MCMDC2: variants seen among roughly 807,000 people sequenced by gnomAD.
MCMDC2 encodes the protein minichromosome maintenance domain containing 2, also known as minichromosome maintenance domain-containing protein 2.
Under a neutral mutation model 75.8 loss-of-function variants are expected in MCMDC2, and 54 were observed. The ratio of observed to expected loss-of-function variants is 0.71; its 90% CI spans 0.57 to 0.89. The LOEUF (loss-of-function observed/expected upper bound fraction) is 0.89, where lower values mean the gene tolerates loss of function less well. Ranked by LOEUF, MCMDC2 falls within the 40% of genes least tolerant of loss-of-function variation. MCMDC2 has a pLI of 0.00. For synonymous variants in MCMDC2, 249 were observed against 274.6 expected (o/e 0.91, Z 0.92); for missense variants, 656 against 780.4 (o/e 0.84, Z 1.90).
intron 9 of MCMDC2, among the ~76,000 whole-genome samples, chr8:66,885,414 T>A (rs1811793339): frequency 1.3e-5 from 2 of 152,210 alleles, no homozygotes; most frequent in Admixed American, 6.5e-5. Context: ...GGAAATAATT[T>A]TTGCATCATA....
At chr8:66,888,638 G>C (rs1177101904) in intron 9 of MCMDC2, among the ~76,000 whole-genome samples, 1 of 152,152 alleles carries the variant, frequency 6.6e-6, no homozygotes, top group Non-Finnish European at 1.5e-5. Flanking sequence ...TAAAATGGTA[G>C]TGTTTTCTTA....
intron 10 of MCMDC2, among the ~76,000 whole-genome samples, chr8:66,894,192 T>G (rs1198554254): frequency 3.9e-5 from 6 of 152,218 alleles, no homozygotes; most frequent in Admixed American, 2.6e-4. Context: ...TATTTCCATA[T>G]CAACACATTT....
chr8:66,924,203 T>G (rs1281324812), downstream of MCMDC2, among the ~76,000 whole-genome samples: 1 of 151,930 alleles, frequency 6.6e-6, no homozygotes, highest in Non-Finnish European at 1.5e-5. Context: ...TAATAATACC[T>G]AAAATATTTC....
intron 13 of MCMDC2, among the ~76,000 whole-genome samples, chr8:66,904,501 C>T (rs1218057652): frequency 6.6e-6 from 1 of 152,142 alleles, no homozygotes; most frequent in Non-Finnish European, 1.5e-5. Context: ...AATGCCTTTA[C>T]TTATCTGCCT....
chr8:66,880,454 T>G (rs1159977343), intron 7 of MCMDC2, among the ~76,000 whole-genome samples: 1 of 152,224 alleles, frequency 6.6e-6, no homozygotes, highest in African/African-American at 2.4e-5. Context: ...CTTACATGTA[T>G]TGTAGACAGG....
rs774291658 is a variant in MCMDC2, at chr8:66,891,073, A to T, written c.1279+3A>T. On this transcript the variant is annotated splice_donor_region_variant and intron_variant, in intron 10 of 14. Coordinates refer to ENST00000422365, the MANE Select transcript of MCMDC2 (RefSeq NM_173518.5). ...TAAACTTGAACAGCTTCAAACAGGT[A>T]AACAATATTTTTTAAATTAATTTTC... The T allele has an allele frequency of 1.9e-6, 3 of 1,588,378 alleles. No homozygotes were observed. In the African/African-American group the frequency reaches 4.1e-5, roughly 22 times the overall value.
chr8:66,874,264 A>T, intron 2 of MCMDC2, 30 bp downstream of exon 2: 1 of 1,603,234 alleles, frequency 6.2e-7, no homozygotes, highest in Non-Finnish European at 8.5e-7. Flanking sequence ...GTTATTTTTA[A>T]AACTTTCAAA....
intron 14 of MCMDC2, among the ~76,000 whole-genome samples, chr8:66,915,606 T>TA (rs2130871383): frequency 6.6e-6 from 1 of 150,726 alleles, no homozygotes; most frequent in East Asian, 1.9e-4. Flanking sequence ...AGTGTGAGTA[T>TA]ATATATAACT....
At chr8:66,905,388 A>C (rs997850538) in intron 14 of MCMDC2, 53 bp downstream of exon 14, 5 of 1,300,150 alleles carry the variant, frequency 3.8e-6, no homozygotes, top group Admixed American at 6.9e-5. Context: ...TTTAACCTTA[A>C]ATATTCTTAG....
chr8:66,892,484 A>C (rs1409086435), intron 10 of MCMDC2, among the ~76,000 whole-genome samples: 1 of 152,232 alleles, frequency 6.6e-6, no homozygotes, highest in African/African-American at 2.4e-5. Flanking sequence ...GTTTTATTGC[A>C]TGGCAGAACA....
chr8:66,886,988 T>C (rs1811875316), intron 9 of MCMDC2, among the ~76,000 whole-genome samples: 1 of 152,178 alleles, frequency 6.6e-6, no homozygotes, highest in Non-Finnish European at 1.5e-5. Context: ...ATTTGAACTC[T>C]TTTTCATGTG....
intron 9 of MCMDC2, among the ~76,000 whole-genome samples, chr8:66,889,871 C>CA (rs1198224718): frequency 6.6e-6 from 1 of 152,136 alleles, no homozygotes; most frequent in Non-Finnish European, 1.5e-5. Flanking sequence ...CAAAGACAAA[C>CA]AAAAAACCCC....
chr8:66,886,976 T>C (rs1416814656), intron 9 of MCMDC2, among the ~76,000 whole-genome samples: 1 of 152,150 alleles, frequency 6.6e-6, no homozygotes, highest in Non-Finnish European at 1.5e-5. Flanking sequence ...AGGTGACTAT[T>C]GATTTGAACT....
chr8:66,912,128 G>A (rs1449155333), intron 14 of MCMDC2, among the ~76,000 whole-genome samples: 1 of 152,186 alleles, frequency 6.6e-6, no homozygotes, highest in Non-Finnish European at 1.5e-5. Context: ...TTTATGGGAG[G>A]AGGTTAAAAT....
intron 14 of MCMDC2, among the ~76,000 whole-genome samples, chr8:66,917,481 A>G (rs1813367071): frequency 6.6e-6 from 1 of 152,166 alleles, no homozygotes; most frequent in Non-Finnish European, 1.5e-5. Context: ...TCACATTCAC[A>G]CTGTTGGGCA....
Position 66,870,839 on chromosome 8 carries a change from C to G in MCMDC2, c.-89+8C>G, listed in dbSNP as rs527508287. On this transcript the variant is annotated splice_region_variant and intron_variant, in intron 1 of 14. Transcript: ENST00000422365. ...AGCTTGGTGGGAGTCAAGGTGAGTG[C>G]AAAGCACTACAGCGCTGGGGTCCCA... 1 of 152,282 alleles carries G rather than the reference C, an allele frequency of 6.6e-6. No individual in the cohort carries two copies. Among genetic ancestry groups the G allele is most frequent in the East Asian group, 1.9e-4 (1 of 5,190 alleles). The allele number at this position is 152,282 out of a possible 1,614,324, so 9.4% of individuals were successfully genotyped here. A position where few individuals can be genotyped will look rare whatever the true frequency, so the allele number is the denominator to read the frequency against.
At chr8:66,873,666 T>C (rs1281851549) in intron 1 of MCMDC2, among the ~76,000 whole-genome samples, 1 of 152,100 alleles carries the variant, frequency 6.6e-6, no homozygotes, top group African/African-American at 2.4e-5. Flanking sequence ...AGCTGGCGGA[T>C]CACGAGGTCA....
At chr8:66,911,990 CT>C (rs1813139832) in intron 14 of MCMDC2, among the ~76,000 whole-genome samples, 1 of 152,150 alleles carries the variant, frequency 6.6e-6, no homozygotes, top group Non-Finnish European at 1.5e-5. Context: ...ACATTCAAGA[CT>C]TGTTATTTTA....
At chr8:66,880,437 A>G (rs902800731) in intron 7 of MCMDC2, among the ~76,000 whole-genome samples, 1 of 152,248 alleles carries the variant, frequency 6.6e-6, no homozygotes, top group African/African-American at 2.4e-5. Context: ...TAATGTTTTT[A>G]CAAGTACTTA....
Sources: allele counts gnomAD v4.1 joint callset (sites outside exome capture counted in the v4.1 genomes callset), GRCh38; gene constraint gnomAD v4.1.1; transcripts MANE v1.5; gene names NCBI Gene and HGNC (gene_info 2026-07-23, HGNC 2026-07-21).